Variants in ARHGEF18 observed in about 807,000 individuals in gnomAD.
The protein encoded by ARHGEF18 is Rho/Rac guanine nucleotide exchange factor 18.
Under a neutral mutation model 155.7 loss-of-function variants are expected in ARHGEF18, and 93 were observed. That is an observed-to-expected ratio of 0.60 (90% CI 0.50 to 0.71). The LOEUF (loss-of-function observed/expected upper bound fraction) is 0.71. Ranked by LOEUF, ARHGEF18 falls within the 30% of genes least tolerant of loss-of-function variation. The pLI is 0.00. For synonymous variants in ARHGEF18, 742 were observed against 753.1 expected (o/e 0.99, Z 0.24); for missense variants, 1,593 against 1,816.1 (o/e 0.88, Z 2.23).
chr19:7,443,119 G>A (rs994639105), intron 13 of ARHGEF18, among the ~76,000 whole-genome samples: 5 of 143,486 alleles, frequency 3.5e-5, no homozygotes, highest in African/African-American at 1.3e-4. Flanking sequence ...CTGGAGTGCA[G>A]TGGTTCCATC....
At chr19:7,398,947 A>G (rs764472994) in intron 10 of ARHGEF18, among the ~76,000 whole-genome samples, 9 of 152,194 alleles carry the variant, frequency 5.9e-5, no homozygotes, top group Non-Finnish European at 1.2e-4. Flanking sequence ...CATGTTTAAC[A>G]TAGCTCAGAT....
At chr19:7,431,545 G>T (rs1973969394) in intron 10 of ARHGEF18, among the ~76,000 whole-genome samples, 1 of 144,788 alleles carries the variant, frequency 6.9e-6, no homozygotes, top group Admixed American at 7.0e-5. Flanking sequence ...GCCGGGCTCA[G>T]TGGCTCACGC....
chr19:7,394,712 G>A (rs571600732), intron 10 of ARHGEF18, among the ~76,000 whole-genome samples: 4 of 146,224 alleles, frequency 2.7e-5, no homozygotes, highest in African/African-American at 1.0e-4. Flanking sequence ...CCAAACCGCT[G>A]TCCTCCTCAG....
intron 23 of ARHGEF18, among the ~76,000 whole-genome samples, chr19:7,466,524 C>T (rs2145905883): frequency 1.4e-5 from 2 of 146,592 alleles, no homozygotes; most frequent in Admixed American, 1.3e-4. Context: ...AAAAAGAAGC[C>T]AGGCATGGTG....
At chr19:7,473,929 G>A (rs1391988398), downstream of ARHGEF18, among the ~76,000 whole-genome samples, 2 of 151,418 alleles carry the variant, frequency 1.3e-5, no homozygotes, top group Non-Finnish European at 2.9e-5. Flanking sequence ...GTTGCAGTGA[G>A]CTATGATCGT....
chr19:7,451,392 T>G, intron 16 of ARHGEF18, 126 bp downstream of exon 16: 1 of 659,140 alleles, frequency 1.5e-6, no homozygotes, highest in Non-Finnish European at 2.4e-6. Flanking sequence ...TGCTGGGTGC[T>G]GGGGTTCCTT....
chr19:7,381,153 G>A (rs563799372), intron 8 of ARHGEF18, among the ~76,000 whole-genome samples, 159 bp downstream of exon 8: 13 of 152,204 alleles, frequency 8.5e-5, no homozygotes, highest in African/African-American at 2.2e-4. Flanking sequence ...TGAGGCTCCC[G>A]TATACCCTGA....
Position 7,440,427 on chromosome 19 carries a change from C to T in ARHGEF18, c.1051C>T (p.Gln351Ter), listed in dbSNP as rs1307205968. The T allele has an allele frequency of 6.2e-6, 10 of 1,603,378 alleles. No homozygotes were observed. Among genetic ancestry groups the T allele is most frequent in the Non-Finnish European group, 8.5e-6 (10 of 1,179,950 alleles). ...CAGGAATGTCGGTATGACGGTCTCT[C>T]AGAAAGGGGGTCCCCAGCCAACACC... ...LSRNVGMTVS[Q>*]KGGPQPTPSP... The change falls in exon 11 of 29, where the codon CAG becomes TAG. Residue 351 changes from glutamine (Q) to a stop codon, truncating the protein, a stop_gained. Coordinates refer to ENST00000668164, the MANE Select transcript of ARHGEF18 (RefSeq NM_001367823.1). LOFTEE classifies it high-confidence loss of function. This position sits in a 1 kb window ranked among gnomAD's most constrained non-coding sequence, Gnocchi z 5.4.
chr19:7,385,499 G>A (rs563235247), intron 10 of ARHGEF18, among the ~76,000 whole-genome samples: 96 of 143,574 alleles, frequency 6.7e-4, no homozygotes, highest in African/African-American at 2.1e-3. Flanking sequence ...ATTTTGAGAC[G>A]GAGTCCCACT....
rs140250213 is a variant in ARHGEF18, at chr19:7,372,830, C to A, written c.34C>A (p.Arg12=). 1 of 1,234,458 alleles carries A rather than the reference C, an allele frequency of 8.1e-7. No individual in the cohort carries two copies. Among genetic ancestry groups the A allele is most frequent in the Admixed American group, 4.2e-5 (1 of 23,720 alleles). 76.5% of individuals were successfully genotyped at this position (1,234,458 alleles called of 1,614,324 possible). Residue 12 remains arginine, a synonymous_variant, in exon 3 of 29, where the codon CGG becomes AGG. Coordinates refer to ENST00000668164, the MANE Select transcript of ARHGEF18 (RefSeq NM_001367823.1). The part of the protein sequence containing the change: ...GDDQEDDFPR[R]LSESMEDLSL... The stretch of plus-strand genomic sequence containing the variant: ...CCTACAGGAGGATGATTTTCCCAGG[C>A]GGCTCAGCGAGAGTATGGAGGACCT...
Position 7,378,417 on chromosome 19 carries a change from T to C in ARHGEF18, c.565T>C (p.Cys189Arg). 1.6e-6 allele frequency: 2 copies of C among 1,234,024 alleles called. No homozygotes were observed. Among genetic ancestry groups the C allele is most frequent in the Non-Finnish European group, 2.0e-6 (2 of 988,202 alleles). The allele number at this position is 1,234,024 out of a possible 1,614,324, so 76.4% of individuals were successfully genotyped here. Residue 189 changes from cysteine to arginine, a missense_variant, in exon 6 of 29, where the codon TGC (cysteine) becomes CGC (arginine). Cys to Arg is a radical substitution (Grantham distance 180). Coordinates refer to ENST00000668164, the MANE Select transcript of ARHGEF18 (RefSeq NM_001367823.1). The part of the protein sequence containing the change: ...VQGLEPPVLE[C>R]MEKDHVEPDH... ...AGGCCTGGAACCTCCAGTGCTGGAG[T>C]GCATGGAAAAAGACCATGTGGAACC...
chr19:7,434,627 C>T (rs1056722845), intron 10 of ARHGEF18, among the ~76,000 whole-genome samples: 32 of 152,158 alleles, frequency 2.1e-4, no homozygotes, highest in Non-Finnish European at 4.1e-4. Context: ...GCACCATGGC[C>T]GTCTGCTGTA....
intron 16 of ARHGEF18, among the ~76,000 whole-genome samples, chr19:7,452,517 G>A (rs1011591480): frequency 6.6e-6 from 1 of 152,172 alleles, no homozygotes; most frequent in Admixed American, 6.5e-5. Flanking sequence ...CCAGGCTAGA[G>A]TACAGTGGCA....
At chr19:7,461,568 A>G (rs1180394170) in intron 20 of ARHGEF18, among the ~76,000 whole-genome samples, 2 of 152,194 alleles carry the variant, frequency 1.3e-5, no homozygotes, top group Non-Finnish European at 2.9e-5. Context: ...AAGGAAGGAA[A>G]GAAAGAAAGG....
rs762196307 is a variant in ARHGEF18 at position 7,385,833 on chromosome 19, ATCTCTCTC to A, written c.967+2661_967+2668del. Among the ~76,000 whole-genome samples the A allele has an allele frequency of 8.4e-3, 438 of 51,946 alleles. 12 individuals are homozygous for A. Among genetic ancestry groups the A allele is most frequent in the African/African-American group, 0.024 (338 of 13,824 alleles). 34.1% of individuals were successfully genotyped at this position (51,946 alleles called of 152,430 possible). On this transcript the variant is annotated intron_variant, in intron 10 of 28. Transcript: ENST00000668164. The stretch of plus-strand genomic sequence containing the variant: ...TTAGAGATAGGATCTATCTCTCTCT[ATCTCTCTC>A]TCTCTCTCTCTCTCTCTCTCTCTCT...
chr19:7,398,699 A>C (rs900469196), intron 10 of ARHGEF18, among the ~76,000 whole-genome samples: 4 of 148,860 alleles, frequency 2.7e-5, no homozygotes, highest in African/African-American at 1.0e-4. Context: ...TCAAAAAAAA[A>C]AAAAAAAATA....
At chr19:7,478,208 A>G in the ARHGEF18 span, 1 of 1,240,602 alleles carries the variant, frequency 8.1e-7, no homozygotes, top group Non-Finnish European at 1.1e-6. Context: ...CCATGACCTG[A>G]GCACAACAGT....
chr19:7,446,611 T>C (rs1353358524), intron 14 of ARHGEF18, among the ~76,000 whole-genome samples: 5 of 150,384 alleles, frequency 3.3e-5, no homozygotes, highest in Non-Finnish European at 7.4e-5. Context: ...CATGGTGGCA[T>C]GCCCCTGTAA....
At chr19:7,380,212 C>T (rs893666467) in intron 7 of ARHGEF18, among the ~76,000 whole-genome samples, 73 of 152,000 alleles carry the variant, frequency 4.8e-4, no homozygotes, top group Admixed American at 1.2e-3. Context: ...GGCGCAGTGG[C>T]TCACACCTGT....
Sources: gnomAD v4.1 joint callset for allele counts (sites outside exome capture counted in the v4.1 genomes callset) on GRCh38, gnomAD v4.1.1 for gene constraint, Gnocchi (gnomAD v3.1) non-coding constraint, MANE v1.5 for transcripts, NCBI Gene and HGNC (gene_info 2026-07-23, HGNC 2026-07-21) for gene names.